Variants in EIF2AK4 observed in about 807,000 individuals in gnomAD.
EIF2AK4 encodes the protein eIF-2-alpha kinase GCN2.
In EIF2AK4, 139 loss-of-function variants were observed where a neutral mutation model predicts 211.1. That is an observed-to-expected ratio of 0.66 (90% CI 0.57 to 0.76). The LOEUF is 0.76. Ranked by LOEUF, EIF2AK4 falls within the 30% of genes least tolerant of loss-of-function variation. EIF2AK4 has a pLI of 0.00. For synonymous variants in EIF2AK4, 710 were observed against 751.3 expected, an observed-to-expected ratio of 0.94 and a Z score of 0.90; for missense variants, 1,664 against 2,043.8, an observed-to-expected ratio of 0.81 and a Z score of 3.58.
intron 36 of EIF2AK4, 61 bp downstream of exon 36, chr15:40,032,298 C>T (rs756470540): frequency 9.3e-6 from 14 of 1,502,348 alleles, no homozygotes; most frequent in Non-Finnish European, 1.3e-5. Context: ...AAGTAGTTGC[C>T]TCAGGGTTCA....
intron 9 of EIF2AK4, among the ~76,000 whole-genome samples, chr15:39,971,796 T>C (rs1464422858): frequency 2.0e-5 from 3 of 152,208 alleles, no homozygotes; most frequent in Non-Finnish European, 4.4e-5. Context: ...ACTTAGACTT[T>C]AGCTTGCATT....
intron 4 of EIF2AK4, 28 bp from the exon 5 acceptor site, chr15:39,953,876 C>G: frequency 6.2e-7 from 1 of 1,602,350 alleles, no homozygotes; most frequent in Middle Eastern, 1.7e-4. Context: ...CAGAGATTGG[C>G]ATTTGATGAT....
chr15:39,944,880 C>T (rs1015670857), intron 3 of EIF2AK4, among the ~76,000 whole-genome samples: 1 of 152,184 alleles, frequency 6.6e-6, no homozygotes, highest in African/African-American at 2.4e-5. Flanking sequence ...CACAATGAGT[C>T]ATAGTACAGT....
intron 3 of EIF2AK4, among the ~76,000 whole-genome samples, chr15:39,947,894 A>C (rs1303953234): frequency 6.6e-6 from 1 of 152,236 alleles, no homozygotes; most frequent in Non-Finnish European, 1.5e-5. Flanking sequence ...TAGTAAAGTA[A>C]ATAGAACAGC....
intron 3 of EIF2AK4, among the ~76,000 whole-genome samples, chr15:39,943,743 C>G (rs1295537713): frequency 6.6e-6 from 1 of 151,810 alleles, no homozygotes; most frequent in East Asian, 1.9e-4. Context: ...GTGGGAGGAT[C>G]ACTTGAGCCC....
At chr15:39,945,051 C>T (rs932072053) in intron 3 of EIF2AK4, among the ~76,000 whole-genome samples, 14 of 152,182 alleles carry the variant, frequency 9.2e-5, no homozygotes, top group Admixed American at 2.6e-4. Flanking sequence ...AAGGGGATTC[C>T]AGTGTCTAAC....
At chr15:39,984,869 C>A (rs1334573186) in intron 13 of EIF2AK4, among the ~76,000 whole-genome samples, 4 of 152,148 alleles carry the variant, frequency 2.6e-5, no homozygotes, top group African/African-American at 4.8e-5. Flanking sequence ...ATTGCCCTGG[C>A]CAGAACTTCC....
intron 5 of EIF2AK4, among the ~76,000 whole-genome samples, chr15:39,954,827 C>T (rs1376248860): frequency 7.2e-5 from 11 of 152,196 alleles, no homozygotes; most frequent in Admixed American, 7.2e-4. Context: ...ACTTAAGGGA[C>T]ATGATGTGGT....
intron 31 of EIF2AK4, among the ~76,000 whole-genome samples, chr15:40,021,258 G>A (rs1422176381): frequency 1.3e-5 from 2 of 152,170 alleles, no homozygotes; most frequent in Non-Finnish European, 2.9e-5. Context: ...CTTTCACTGG[G>A]TTAAATTCAA....
chr15:39,976,806 C>A lies in EIF2AK4; in HGVS notation c.2211C>A (p.Asp737Glu). The change falls in exon 12 of 39, where the codon GAC becomes GAA. Residue 737 changes from aspartate (D) to glutamate (E), a missense_variant. By Grantham distance (45) the Asp-to-Glu change is conservative (BLOSUM62 2). Transcript: ENST00000263791. ...GPGSSDDEDD[D>E]EDEHGGVFSQ... is the part of the protein sequence containing the mutation. ...GCTCCAGCGATGACGAGGACGACGA[C>A]GAGGACGAGCACGGTGGCGTCTTCT... The A allele has an allele frequency of 6.4e-7, 1 of 1,571,436 alleles. No homozygotes were observed. Among genetic ancestry groups the A allele is most frequent in the Admixed American group, 1.8e-5 (1 of 54,690 alleles).
chr15:39,995,452 A>C (rs992872009), intron 18 of EIF2AK4, among the ~76,000 whole-genome samples: 1 of 152,164 alleles, frequency 6.6e-6, no homozygotes, highest in African/African-American at 2.4e-5. Flanking sequence ...GACCATGTGC[A>C]GTCTTTTCCT....
rs987255125 is a variant in EIF2AK4 at position 39,967,475 on chromosome 15, T to G, written c.1149T>G (p.Ser383Arg). The change falls in exon 9 of 39, where the codon AGT becomes AGG. Residue 383 changes from serine (S) to arginine (R), a missense_variant. Physicochemically the swap from Ser to Arg is moderately radical, Grantham distance 110 (BLOSUM62 -1). This residue lies in a region of EIF2AK4 where 641 missense variants were observed against 729.6 expected (regional missense o/e 0.88). Coordinates refer to ENST00000263791, the MANE Select transcript of EIF2AK4 (RefSeq NM_001013703.4). ...IVVDILVEHI[S>R]GVSLAAHLSH... Reference sequence around the variant, plus strand: ...TGGACATTTTAGTGGAGCACATTAGTGGGGTCTCTCTTGCTGCACACCTGA... The same window carrying G: ...TGGACATTTTAGTGGAGCACATTAGGGGGGTCTCTCTTGCTGCACACCTGA... 6.2e-7 allele frequency: 1 copy of G among 1,614,128 alleles called. No individual in the cohort carries two copies.
At chr15:39,950,590 A>C (rs1294221715) in intron 4 of EIF2AK4, among the ~76,000 whole-genome samples, 1 of 141,440 alleles carries the variant, frequency 7.1e-6, no homozygotes, top group African/African-American at 2.5e-5. Context: ...CTCTGTCTTC[A>C]AAAAAAAAAA....
Position 39,949,210 on chromosome 15 carries a change from GGC to G in EIF2AK4, c.457_458del (p.Arg153GlyfsTer21), listed in dbSNP as rs1165646203. ...TCTTTTCATGAAGAAATGCTGGAAA[GGC>G]GGGCTCAGGAGGAGCAGCAGAGGCT... On this transcript the variant is annotated frameshift_variant, in exon 4 of 39. Coordinates refer to ENST00000263791, the MANE Select transcript of EIF2AK4 (RefSeq NM_001013703.4). LOFTEE classifies it high-confidence loss of function. 5 of 1,614,144 alleles carry G rather than the reference GGC, an allele frequency of 3.1e-6. No individual in the cohort carries two copies. The highest frequency in any genetic ancestry group is 4.2e-6 in the Non-Finnish European group (5 of 1,180,026).
rs1214282542 is a variant in EIF2AK4 at position 39,976,585 on chromosome 15, G to A, written c.1990G>A (p.Gly664Arg). ...AWIERHERPAGPGTPPPDSGP... is the reference protein window; with the variant it reads ...AWIERHERPARPGTPPPDSGP... ...GATCGAGCGGCACGAGCGGCCGGCG[G>A]GACCGGGGACGCCGCCCCCGGACTC... Residue 664 changes from glycine to arginine, a missense_variant, in exon 12 of 39, where the codon GGA becomes AGA. Physicochemically the swap from Gly to Arg is moderately radical, Grantham distance 125. This residue lies in a region of EIF2AK4 where 206 missense variants were observed against 201.9 expected (regional missense o/e 1.02). Transcript: ENST00000263791. 3.7e-6 allele frequency: 6 copies of A among 1,610,570 alleles called. No homozygotes were observed. Among genetic ancestry groups the A allele is most frequent in the Non-Finnish European group, 5.1e-6 (6 of 1,178,872 alleles).
intron 34 of EIF2AK4, 105 bp downstream of exon 34, chr15:40,029,569 A>C: frequency 8.3e-7 from 1 of 1,200,352 alleles, no homozygotes. Flanking sequence ...TATTTTTAAA[A>C]TAACATATAC....
At chr15:39,952,351 C>T (rs1264319124) in intron 4 of EIF2AK4, among the ~76,000 whole-genome samples, 1 of 149,516 alleles carries the variant, frequency 6.7e-6, no homozygotes, top group Non-Finnish European at 1.5e-5. Flanking sequence ...AGTGCAGTGG[C>T]GCAATCTTAG....
At chr15:40,007,975 A>C (rs2035183649) in intron 24 of EIF2AK4, 52 bp from the exon 25 acceptor site, 3 of 1,321,140 alleles carry the variant, frequency 2.3e-6, no homozygotes, top group Non-Finnish European at 3.0e-6. Flanking sequence ...TTTCTTATAC[A>C]TATTTCTTTC....
chr15:39,992,139 G>A (rs1237725304), intron 16 of EIF2AK4, 36 bp from the exon 17 acceptor site: 2 of 1,582,608 alleles, frequency 1.3e-6, no homozygotes, highest in Non-Finnish European at 1.7e-6. Context: ...ATAATATCAT[G>A]TTTTAATTGG....
Sources: gnomAD v4.1 joint callset for allele counts (sites outside exome capture counted in the v4.1 genomes callset) on GRCh38, gnomAD v4.1.1 for gene constraint, gnomAD v4.1.1 regional missense constraint, MANE v1.5 for transcripts, NCBI Gene and HGNC (gene_info 2026-07-23, HGNC 2026-07-21) for gene names.